Variants in GNAL observed in about 807,000 individuals in gnomAD.
GNAL encodes guanine nucleotide-binding protein G(olf) subunit alpha.
In GNAL, 18 loss-of-function variants were observed where a neutral mutation model predicts 55.1. The ratio of observed to expected loss-of-function variants is 0.33; its 90% CI spans 0.23 to 0.48. The LOEUF (loss-of-function observed/expected upper bound fraction) is 0.48, where lower values mean the gene tolerates loss of function less well. Ranked by LOEUF, GNAL falls within the 20% of genes least tolerant of loss-of-function variation. The pLI is 0.99. For synonymous variants in GNAL, 253 were observed against 237.0 expected, an observed-to-expected ratio of 1.07 and a Z score of -0.62; for missense variants, 412 against 614.1, an observed-to-expected ratio of 0.67 and a Z score of 3.48.
At chr18:11,869,390 AC>A (rs979934041) in intron 9 of GNAL, among the ~76,000 whole-genome samples, 22 of 151,990 alleles carry the variant, frequency 1.4e-4, no homozygotes, top group African/African-American at 5.3e-4. Flanking sequence ...TGATCCACCC[AC>A]CTCGGCCTCC....
intron 4 of GNAL, among the ~76,000 whole-genome samples, chr18:11,803,535 C>A (rs1330752502): frequency 6.6e-6 from 1 of 152,086 alleles, no homozygotes; most frequent in East Asian, 1.9e-4. Flanking sequence ...TATATATTAT[C>A]TTTATTATTA....
intron 4 of GNAL, among the ~76,000 whole-genome samples, chr18:11,811,760 A>G (rs2034823929): frequency 6.6e-6 from 1 of 152,158 alleles, no homozygotes; most frequent in Non-Finnish European, 1.5e-5. Context: ...TCCTTTCTCC[A>G]TTTTGCTTCT....
In GNAL at chr18:11,788,391, T is replaced by C. The variant is rs574861104; in HGVS notation, c.624+34446T>C. 4.4e-4 allele frequency among the ~76,000 whole-genome samples: 67 copies of C among 152,332 alleles called. No homozygotes were observed. In the Middle Eastern group the frequency reaches 0.017, roughly 39 times the overall value. ...GAAACTGACAGCGAACTTGCAGCAA[T>C]GCCCTTGTTCTGTGAGGAGTGGTTC... On this transcript the variant is annotated intron_variant, in intron 4 of 11. Coordinates refer to ENST00000334049, the MANE Select transcript of GNAL (RefSeq NM_182978.4).
chr18:11,877,050 G>T lies in GNAL; in HGVS notation c.1230+362G>T, dbSNP rs142313819. Among the ~76,000 whole-genome samples, 1,024 of 152,294 alleles carry T rather than the reference G, an allele frequency of 6.7e-3. 6 individuals are homozygous for T. Among genetic ancestry groups the T allele is most frequent in the Non-Finnish European group, 0.01 (682 of 68,018 alleles). On this transcript the variant is annotated intron_variant, in intron 11 of 11. Transcript: ENST00000334049. ...CATCCAAAAGCACTAACAGGCTGAT[G>T]GTTTATGTAAAAATGGATGTGCTCA... is the stretch of plus-strand genomic sequence containing the variant.
chr18:11,797,201 G>C (rs1423887960), intron 4 of GNAL, among the ~76,000 whole-genome samples: 1 of 152,076 alleles, frequency 6.6e-6, no homozygotes, highest in Non-Finnish European at 1.5e-5. Flanking sequence ...CAAAGTGCTG[G>C]GATTACAGGC....
chr18:11,741,838 G>A (rs2032582553), intron 1 of GNAL, among the ~76,000 whole-genome samples: 2 of 152,170 alleles, frequency 1.3e-5, no homozygotes, highest in Admixed American at 6.5e-5. Flanking sequence ...TTCTACATGT[G>A]CATTTTGTTC....
chr18:11,749,125 C>CA (rs368135476), intron 1 of GNAL, among the ~76,000 whole-genome samples: 2,240 of 86,142 alleles, frequency 0.026, 93 homozygotes, highest in Non-Finnish European at 0.041. Context: ...GACTCCATCT[C>CA]AAAAAAAAAA....
rs760136358 is a variant in GNAL, at chr18:11,796,575, C to CAAAAAAA, written c.625-28329_625-28323dup. ...GGTGACAGAGCGAGACTCCTTCTCA[C>CAAAAAAA]AAAAAAAAAAAAAAAAAAAACAAAA... On this transcript the variant is annotated intron_variant, in intron 4 of 11. Coordinates refer to ENST00000334049, the MANE Select transcript of GNAL (RefSeq NM_182978.4). 1.1e-3 allele frequency among the ~76,000 whole-genome samples: 65 copies of CAAAAAAA among 58,852 alleles called. 1 individual carries two copies. Among genetic ancestry groups the CAAAAAAA allele is most frequent in the African/African-American group, 1.4e-3 (19 of 13,738 alleles). The allele number at this position is 58,852 out of a possible 152,430, so 38.6% of individuals were successfully genotyped here.
chr18:11,825,800 C>CTTACTT (rs2035228903), intron 5 of GNAL, among the ~76,000 whole-genome samples: 1 of 146,438 alleles, frequency 6.8e-6, no homozygotes, highest in Non-Finnish European at 1.5e-5. Flanking sequence ...CCCTGAAACA[C>CTTACTT]TTACTTTTCC....
At chr18:11,851,935 C>G (rs377323477) in intron 5 of GNAL, 7 of 1,613,958 alleles carry the variant, frequency 4.3e-6, no homozygotes, top group Non-Finnish European at 5.9e-6. Context: ...CACGACGACG[C>G]TCACCACTCC....
intron 4 of GNAL, among the ~76,000 whole-genome samples, chr18:11,769,115 A>G (rs2033545643): frequency 9.3e-6 from 1 of 107,408 alleles, no homozygotes; most frequent in South Asian, 2.3e-4. Context: ...TATAGATTAT[A>G]TAAATTATAT....
chr18:11,872,850 T>C (rs1204901046), intron 10 of GNAL, among the ~76,000 whole-genome samples: 1 of 151,908 alleles, frequency 6.6e-6, no homozygotes. Flanking sequence ...ACGGGTAGAG[T>C]CATGCAGGCA....
At chr18:11,724,906 G>A (rs569341855) in intron 1 of GNAL, among the ~76,000 whole-genome samples, 2 of 152,278 alleles carry the variant, frequency 1.3e-5, no homozygotes, top group South Asian at 4.1e-4. Flanking sequence ...AGAGACTTGT[G>A]CTGCAGTTTG....
chr18:11,842,447 G>A (rs572906274), intron 5 of GNAL, among the ~76,000 whole-genome samples: 22 of 152,122 alleles, frequency 1.4e-4, no homozygotes, highest in Middle Eastern at 3.4e-3. Context: ...TTACGATTAC[G>A]TTGTAATATA....
intron 5 of GNAL, chr18:11,854,217 A>G (rs1345595332): frequency 6.0e-6 from 1 of 167,124 alleles, no homozygotes. Context: ...TTTATAATGC[A>G]CATATTCCCA....
chr18:11,885,161 C>G lies in GNAL; in HGVS notation c.*4026C>G, dbSNP rs2037001439. The G allele has an allele frequency of 1.3e-6, 1 of 780,824 alleles. No homozygotes were observed. The allele number at this position is 780,824 out of a possible 1,614,324, so 48.4% of individuals were successfully genotyped here. On this transcript the variant is annotated 3_prime_UTR_variant, in exon 12 of 12. Transcript: ENST00000334049. ...GAATTTGAAAATGTTAGGGTTTCCTCCACCTTTTTATGAAGTAAAAGAACC... is the reference window on the plus strand; with the variant it reads ...GAATTTGAAAATGTTAGGGTTTCCTGCACCTTTTTATGAAGTAAAAGAACC...
At position 11,867,907 on chromosome 18, in the gene GNAL, C is replaced by T. The variant is rs1398585096; in HGVS notation, c.911-636C>T. 3.3e-5 allele frequency among the ~76,000 whole-genome samples: 5 copies of T among 151,852 alleles called. No individual in the cohort carries two copies. In the East Asian group the frequency reaches 9.7e-4, roughly 29 times the overall value. ...TGGGAGGCTGGGGTGGGTGGATCAC[C>T]TGAGGTCAGGAGTTCAAGATCAGCC... is the stretch of plus-strand genomic sequence containing the variant. On this transcript the variant is annotated intron_variant, in intron 8 of 11. Transcript: ENST00000334049.
At chr18:11,768,567 C>T (rs2033485980) in intron 4 of GNAL, among the ~76,000 whole-genome samples, 2 of 151,730 alleles carry the variant, frequency 1.3e-5, no homozygotes, top group South Asian at 4.2e-4. Flanking sequence ...CGCCACTGCA[C>T]TCCAGCCTGG....
chr18:11,796,183 C>G (rs888574327), intron 4 of GNAL, among the ~76,000 whole-genome samples: 1 of 152,128 alleles, frequency 6.6e-6, no homozygotes, highest in Non-Finnish European at 1.5e-5. Context: ...TCCCAGGCCA[C>G]CAACACCACC....
Sources: allele counts gnomAD v4.1 joint callset (sites outside exome capture counted in the v4.1 genomes callset), GRCh38; gene constraint gnomAD v4.1.1; transcripts MANE v1.5; gene names NCBI Gene and HGNC (gene_info 2026-07-23, HGNC 2026-07-21).